XIRP2: variants seen among roughly 807,000 people sequenced by gnomAD.
XIRP2 encodes the protein xin actin-binding repeat-containing protein 2.
XIRP2 carries 236 observed loss-of-function variants against 277.0 expected under a neutral mutation model. The ratio of observed to expected loss-of-function variants is 0.85; its 90% CI spans 0.77 to 0.95. The LOEUF is 0.95. Among genes scored for constraint, XIRP2 ranks in the 40% least tolerant of loss-of-function variants. The probability of loss-of-function intolerance (pLI) is 0.00; values close to 1 mark genes in which losing one functional copy is unlikely to be tolerated. For synonymous variants in XIRP2, 1,490 were observed against 1,416.5 expected (o/e 1.05, Z -1.17); for missense variants, 4,640 against 4,157.5 (o/e 1.12, Z -3.19).
At chr2:166,909,423 T>C (rs75650225) in intron 2 of XIRP2, among the ~76,000 whole-genome samples, 31,535 of 152,064 alleles carry the variant, frequency 0.21, 3,949 homozygotes, top group Admixed American at 0.28. Context: ...TGTTTGTCTG[T>C]TATTGGTGTA....
In XIRP2 at chr2:167,246,613, G is replaced by C. The variant is rs756396781; in HGVS notation, c.5221G>C (p.Gly1741Arg). The C allele has an allele frequency of 1.9e-6, 3 of 1,613,714 alleles. No homozygotes were observed. The highest frequency in any genetic ancestry group is 2.5e-6 in the Non-Finnish European group (3 of 1,179,784). ...GGCTAAAATTGATGCCTCTGAGAGA[G>C]GAAATGTTCAGTTTTTCACAACCTG... ...ERAKIDASER[G>R]NVQFFTTCIE... Residue 1741 changes from glycine to arginine, a missense_variant, in exon 9 of 11, where the codon GGA (glycine) becomes CGA (arginine). Coordinates refer to ENST00000409195, the MANE Select transcript of XIRP2 (RefSeq NM_152381.6).
intron 2 of XIRP2, among the ~76,000 whole-genome samples, chr2:166,957,561 A>G (rs1686192795): frequency 6.6e-6 from 1 of 151,812 alleles, no homozygotes; most frequent in African/African-American, 2.4e-5. Context: ...AACATTTTTT[A>G]CACATAAATT....
At chr2:166,902,826 G>C (rs1311664990) in intron 1 of XIRP2, among the ~76,000 whole-genome samples, 1 of 151,922 alleles carries the variant, frequency 6.6e-6, no homozygotes, top group African/African-American at 2.4e-5. Flanking sequence ...TCAGAATCCT[G>C]GGCAAATTAC....
In XIRP2 at chr2:167,013,281, T is replaced by A. The variant is rs574600167; in HGVS notation, c.408+109391T>A. ...CCCATGCTGTTTCTTTCTGAATATA[T>A]TACAATAATGCTTCTAAAATTATGG... On this transcript the variant is annotated intron_variant, in intron 2 of 10. Transcript: ENST00000409195. 3.3e-5 allele frequency among the ~76,000 whole-genome samples: 5 copies of A among 151,644 alleles called. No homozygotes were observed. In the East Asian group the frequency reaches 9.7e-4, roughly 30 times the overall value.
chr2:167,160,530 C>A (rs955855785), intron 3 of XIRP2, among the ~76,000 whole-genome samples: 1 of 152,306 alleles, frequency 6.6e-6, no homozygotes, highest in Non-Finnish European at 1.5e-5. Flanking sequence ...AGGCACATCT[C>A]ACACGGCAAC....
rs774067351 is a variant in XIRP2, at chr2:167,258,894, A to C, written c.*1077A>C. On this transcript the variant is annotated 3_prime_UTR_variant, in exon 11 of 11. Transcript: ENST00000409195. ...GTACTAGCAATGGCTCTGAAGAAAC[A>C]GACTGACAGAGCAGCTGCTGGCAGT... The C allele has an allele frequency of 1.2e-6, 2 of 1,613,112 alleles. No individual in the cohort carries two copies. The highest frequency in any genetic ancestry group is 2.7e-5 in the African/African-American group (2 of 74,858).
chr2:167,024,517 T>C (rs1458847926), intron 2 of XIRP2, among the ~76,000 whole-genome samples: 1 of 152,174 alleles, frequency 6.6e-6, no homozygotes, highest in Non-Finnish European at 1.5e-5. Context: ...AGAGAGGGCA[T>C]CCCTGTCTTG....
intron 3 of XIRP2, among the ~76,000 whole-genome samples, chr2:167,136,374 A>G (rs1409020615): frequency 6.6e-6 from 1 of 152,210 alleles, no homozygotes; most frequent in Non-Finnish European, 1.5e-5. Context: ...TTTTGTGAAA[A>G]TAAAAGGAAA....
At chr2:167,015,981 C>T (rs1475254284) in intron 2 of XIRP2, among the ~76,000 whole-genome samples, 1 of 151,828 alleles carries the variant, frequency 6.6e-6, no homozygotes. Context: ...CCAACTCTCT[C>T]TTCCATAACA....
At chr2:167,210,709 T>C (rs558758917) in intron 3 of XIRP2, 26 bp from the exon 4 acceptor site, 2 of 1,612,956 alleles carry the variant, frequency 1.2e-6, no homozygotes, top group African/African-American at 2.7e-5. Context: ...AACACACATG[T>C]GTAAGCATGC....
rs1031074166 is a variant in XIRP2 at position 166,889,413 on chromosome 2, T to G, written c.-19+856T>G. The G allele has an allele frequency of 4.6e-5, 7 of 152,594 alleles. No individual in the cohort carries two copies. In the East Asian group the frequency reaches 1.3e-3, roughly 29 times the overall value. 9.5% of individuals were successfully genotyped at this position (152,594 alleles called of 1,614,324 possible). On this transcript the variant is annotated intron_variant, in intron 1 of 10. Transcript: ENST00000409195. ...GGGGCTTCTGGCCTTGAAGGGCTGC[T>G]GCAGTGGAGCCAGGGCACAGGGTAG... is the stretch of plus-strand genomic sequence containing the variant.
At chr2:166,913,313 C>A (rs962262087) in intron 2 of XIRP2, among the ~76,000 whole-genome samples, 8 of 128,760 alleles carry the variant, frequency 6.2e-5, no homozygotes, top group Non-Finnish European at 1.0e-4. Flanking sequence ...GGTGGGCACC[C>A]CCCCCCCCCA....
intron 5 of XIRP2, among the ~76,000 whole-genome samples, chr2:167,234,814 G>A (rs1694855039): frequency 6.6e-6 from 1 of 151,696 alleles, no homozygotes; most frequent in South Asian, 2.1e-4. Context: ...AAAAAATGAA[G>A]ATAAATAATT....
At position 167,247,085 on chromosome 2, in the gene XIRP2, C is replaced by T; in HGVS notation, c.5693C>T (p.Ala1898Val). Residue 1898 changes from alanine (A) to valine (V), a missense_variant, in exon 9 of 11, where the codon GCT becomes GTT. Physicochemically the swap from Ala to Val is moderately conservative, Grantham distance 64 (BLOSUM62 0). Coordinates refer to ENST00000409195, the MANE Select transcript of XIRP2 (RefSeq NM_152381.6). Reference sequence around the variant, plus strand: ...GCCATCCCTGGTGATATTGAAAAAGCTATTGAATGCCTTGAAAAAGCTACA... The same window carrying T: ...GCCATCCCTGGTGATATTGAAAAAGTTATTGAATGCCTTGAAAAAGCTACA... ...PDAIPGDIEKAIECLEKATNT... is the reference protein window; with the variant it reads ...PDAIPGDIEKVIECLEKATNT... The T allele has an allele frequency of 1.2e-6, 2 of 1,612,224 alleles. No individual in the cohort carries two copies. Among genetic ancestry groups the T allele is most frequent in the Non-Finnish European group, 1.7e-6 (2 of 1,179,436 alleles).
chr2:167,246,909 T>A lies in XIRP2; in HGVS notation c.5517T>A (p.Gly1839=). The A allele has an allele frequency of 1.9e-6, 3 of 1,613,330 alleles. No homozygotes were observed. The highest frequency in any genetic ancestry group is 2.2e-5 in the South Asian group (2 of 91,026). The change falls in exon 9 of 11, where the codon GGT becomes GGA. Residue 1839 remains glycine (G), a synonymous_variant. Transcript: ENST00000409195. ...GKIPKEEIIK[G]DLTSTLNSLS... is the part of the protein sequence containing the mutation. ...TACCCAAAGAAGAGATTATAAAAGGTGATTTGACATCAACCCTAAATTCCC... is the reference window on the plus strand; with the variant it reads ...TACCCAAAGAAGAGATTATAAAAGGAGATTTGACATCAACCCTAAATTCCC...
chr2:167,192,990 T>C (rs944168667), intron 3 of XIRP2, among the ~76,000 whole-genome samples: 10 of 152,172 alleles, frequency 6.6e-5, no homozygotes, highest in African/African-American at 2.2e-4. Flanking sequence ...ACTGTACTAG[T>C]GCATGCCCGC....
chr2:167,065,198 A>G lies in XIRP2; in HGVS notation c.409-70711A>G, dbSNP rs149061090. ...TTTTATTTTGACAGTAGCCAATCTA[A>G]TGGGTGTGAGGTACTATCTAATTGT... On this transcript the variant is annotated intron_variant, in intron 2 of 10. Transcript: ENST00000409195. Among the ~76,000 whole-genome samples, 86 of 151,996 alleles carry G rather than the reference A, an allele frequency of 5.7e-4. 2 individuals carry two copies. The East Asian group carries it at 0.014, about 26-fold the overall frequency.
chr2:167,189,868 G>T (rs1382892), intron 3 of XIRP2, among the ~76,000 whole-genome samples: 1 of 152,256 alleles, frequency 6.6e-6, no homozygotes, highest in Non-Finnish European at 1.5e-5. Flanking sequence ...AGTCCCATGA[G>T]GCTGTCCACT....
intron 3 of XIRP2, among the ~76,000 whole-genome samples, chr2:167,175,153 G>A (rs377276658): frequency 7.9e-5 from 12 of 152,162 alleles, no homozygotes; most frequent in Admixed American, 1.3e-4. Context: ...TTTCTGTCTC[G>A]TTGATCTGTC....
Sources: gnomAD v4.1 joint callset for allele counts (sites outside exome capture counted in the v4.1 genomes callset) on GRCh38, gnomAD v4.1.1 for gene constraint, MANE v1.5 for transcripts, NCBI Gene and HGNC (gene_info 2026-07-23, HGNC 2026-07-21) for gene names.